Variants in SMYD3 observed in about 807,000 individuals in gnomAD.
The protein encoded by SMYD3 is histone-lysine N-methyltransferase SMYD3.
Under a neutral mutation model 57.7 loss-of-function variants are expected in SMYD3, and 36 were observed. The observed-to-expected ratio is 0.62, with a 90% CI of 0.48 to 0.82. The LOEUF is 0.82. SMYD3 is among the 40% of genes least tolerant of loss of function. SMYD3 has a pLI of 0.00. For missense variants in SMYD3, 515 were observed against 538.8 expected, an observed-to-expected ratio of 0.96 and a Z score of 0.44; for synonymous variants, 211 against 195.0, an observed-to-expected ratio of 1.08 and a Z score of -0.68.
chr1:246,434,090 C>T (rs1190130299), intron 1 of SMYD3, among the ~76,000 whole-genome samples: 2 of 152,132 alleles, frequency 1.3e-5, no homozygotes, highest in African/African-American at 2.4e-5. Flanking sequence ...AACTGGACCT[C>T]TACCTTTCAT....
At chr1:245,830,647 T>C (rs78743024) in intron 10 of SMYD3, among the ~76,000 whole-genome samples, 11,506 of 152,258 alleles carry the variant, frequency 0.076, 764 homozygotes, top group East Asian at 0.22. Flanking sequence ...TGACAGATAG[T>C]AATCAACAGA....
intron 1 of SMYD3, among the ~76,000 whole-genome samples, chr1:246,383,795 C>T (rs886721666): frequency 6.6e-6 from 1 of 152,148 alleles, no homozygotes; most frequent in African/African-American, 2.4e-5. Context: ...TCAGCAAAAC[C>T]CTGCTCCTTT....
chr1:246,017,676 T>G (rs1558154513), intron 5 of SMYD3, among the ~76,000 whole-genome samples: 1 of 152,204 alleles, frequency 6.6e-6, no homozygotes, highest in Non-Finnish European at 1.5e-5. Context: ...GTTAAAGTGT[T>G]ATCTGTCAGA....
chr1:246,031,261 A>G (rs946819239), intron 5 of SMYD3, among the ~76,000 whole-genome samples: 2 of 152,278 alleles, frequency 1.3e-5, no homozygotes, highest in African/African-American at 4.8e-5. Flanking sequence ...TCTTGGTAGC[A>G]AACTAGTTGT....
chr1:246,325,184 CG>C (rs74163434), intron 5 of SMYD3, among the ~76,000 whole-genome samples: 3 of 268 alleles, frequency 0.011, no homozygotes, highest in African/African-American at 0.043. Context: ...GAAAAGGAGT[CG>C]GGGGGGCGGG....
intron 5 of SMYD3, among the ~76,000 whole-genome samples, chr1:245,994,697 T>C (rs557243501): frequency 2.0e-5 from 3 of 152,300 alleles, no homozygotes; most frequent in African/African-American, 7.2e-5. Context: ...TAAGAGCATA[T>C]GTTTAATTTA....
intron 1 of SMYD3, among the ~76,000 whole-genome samples, chr1:246,492,269 T>C (rs1379830413): frequency 1.3e-5 from 2 of 152,210 alleles, no homozygotes; most frequent in Non-Finnish European, 2.9e-5. Context: ...AAAATAATGA[T>C]GCCTGCGTCC....
At chr1:246,480,666 A>T (rs968541708) in intron 1 of SMYD3, among the ~76,000 whole-genome samples, 4 of 152,196 alleles carry the variant, frequency 2.6e-5, no homozygotes, top group Non-Finnish European at 5.9e-5. Flanking sequence ...AATTTTTACC[A>T]GCAATGAGTA....
chr1:245,810,046 T>C (rs2048374377), intron 10 of SMYD3, among the ~76,000 whole-genome samples: 1 of 152,182 alleles, frequency 6.6e-6, no homozygotes. Flanking sequence ...TTGGGTACCA[T>C]CCATTTCACC....
chr1:246,489,623 C>T (rs2068239017), intron 1 of SMYD3, among the ~76,000 whole-genome samples: 1 of 152,078 alleles, frequency 6.6e-6, no homozygotes, highest in Non-Finnish European at 1.5e-5. Context: ...TCATTAAAAA[C>T]AAAAGTATCA....
chr1:246,000,926 G>A (rs2059029618), intron 5 of SMYD3, among the ~76,000 whole-genome samples: 1 of 152,184 alleles, frequency 6.6e-6, no homozygotes. Context: ...CACATAGATC[G>A]AAAGTCTAGC....
At position 246,090,675 on chromosome 1, in the gene SMYD3, A is replaced by T. The variant is rs577806992; in HGVS notation, c.532-160738T>A. Among the ~76,000 whole-genome samples the T allele has an allele frequency of 2.5e-4, 38 of 151,908 alleles. 2 individuals are homozygous for T. The South Asian group carries it at 7.9e-3, about 32-fold the overall frequency. On this transcript the variant is annotated intron_variant, in intron 5 of 11. Transcript: ENST00000490107. ...TGGGATCATGGGCGTGCCCCACCAC[A>T]TCTGGCTAATTTTTGTATTTTTAGT...
At chr1:246,009,666 A>G (rs1398376870) in intron 5 of SMYD3, among the ~76,000 whole-genome samples, 1 of 152,098 alleles carries the variant, frequency 6.6e-6, no homozygotes, top group African/African-American at 2.4e-5. Flanking sequence ...AGTCTCTCCA[A>G]TCAGGTCTTA....
rs914722908 is a variant in SMYD3, at chr1:245,926,264, A to G, written c.702+1667T>C. On this transcript the variant is annotated intron_variant, in intron 7 of 11. Transcript: ENST00000490107. ...CTGGGGGACATGTTTAAATCATAACAAACAGCCTCGAAGGGCATATAACAT... is the reference window on the plus strand; with the variant it reads ...CTGGGGGACATGTTTAAATCATAACGAACAGCCTCGAAGGGCATATAACAT... Among the ~76,000 whole-genome samples the G allele has an allele frequency of 1.6e-4, 24 of 152,250 alleles. 1 individual carries two copies. Among genetic ancestry groups the G allele is most frequent in the African/African-American group, 5.5e-4 (23 of 41,460 alleles).
chr1:246,108,381 T>G (rs2061168609), intron 5 of SMYD3, among the ~76,000 whole-genome samples: 1 of 152,154 alleles, frequency 6.6e-6, no homozygotes, highest in Non-Finnish European at 1.5e-5. Context: ...ATCAGAAAAT[T>G]ACCGTACTTA....
chr1:245,861,443 C>G (rs2051542013), intron 9 of SMYD3, among the ~76,000 whole-genome samples: 1 of 152,198 alleles, frequency 6.6e-6, no homozygotes, highest in Non-Finnish European at 1.5e-5. Context: ...ACTCAACTTA[C>G]TGAGATTCAA....
chr1:245,838,314 G>A lies in SMYD3; in HGVS notation c.1076+20182C>T, dbSNP rs138240849. Among the ~76,000 whole-genome samples the A allele has an allele frequency of 2.7e-3, 410 of 152,324 alleles. 2 individuals are homozygous for A. Among genetic ancestry groups the A allele is most frequent in the African/African-American group, 9.3e-3 (386 of 41,570 alleles). On this transcript the variant is annotated intron_variant, in intron 10 of 11. Coordinates refer to ENST00000490107, the MANE Select transcript of SMYD3 (RefSeq NM_001167740.2). ...AGTCAGCATCAGGGCTGCTCTGGGT[G>A]TAACCCAGGTCCTGCACCGTTTCCA...
At chr1:246,330,792 T>C (rs943491098) in intron 3 of SMYD3, among the ~76,000 whole-genome samples, 2 of 152,194 alleles carry the variant, frequency 1.3e-5, no homozygotes, top group African/African-American at 4.8e-5. Flanking sequence ...TATTTTTATA[T>C]TCATAAAACC....
chr1:246,403,564 A>G (rs1167743425), intron 1 of SMYD3, among the ~76,000 whole-genome samples: 1 of 152,126 alleles, frequency 6.6e-6, no homozygotes, highest in East Asian at 1.9e-4. Flanking sequence ...TGAGATATGG[A>G]TAATTTATTC....
Sources: gnomAD v4.1 joint callset for allele counts (sites outside exome capture counted in the v4.1 genomes callset) on GRCh38, gnomAD v4.1.1 for gene constraint, MANE v1.5 for transcripts, NCBI Gene and HGNC (gene_info 2026-07-23, HGNC 2026-07-21) for gene names.